AMY2B: variants seen among roughly 807,000 people sequenced by gnomAD.
AMY2B encodes amylase alpha 2B.
A neutral mutation model predicts 59.3 loss-of-function variants in AMY2B; 63 were observed. That is an observed-to-expected ratio of 1.06 (90% CI 0.87 to 1.31). The LOEUF is 1.31. Among genes scored for constraint, AMY2B ranks in the 50% most tolerant of loss-of-function variants. The pLI, the probability that AMY2B is intolerant of heterozygous loss-of-function variation, is 0.00. For synonymous variants in AMY2B, 180 were observed against 198.1 expected (o/e 0.91, Z 0.77); for missense variants, 635 against 626.7 (o/e 1.01, Z -0.14).
chr1:103,571,013 G>C (rs970712740), upstream of AMY2B: 2 of 381,170 alleles, frequency 5.2e-6, no homozygotes, highest in African/African-American at 4.2e-5. Flanking sequence ...TCTCTGATCT[G>C]TGCAGGGTAT....
Position 103,577,727 on chromosome 1 carries a change from G to T in AMY2B, c.1228G>T (p.Val410Phe). 6.2e-7 allele frequency: 1 copy of T among 1,611,512 alleles called. No individual in the cohort carries two copies. The highest frequency in any genetic ancestry group is 8.5e-7 in the Non-Finnish European group (1 of 1,179,794). ...EHRWRQIRNMVNFRNVVDGQP... is the reference protein window; with the variant it reads ...EHRWRQIRNMFNFRNVVDGQP... ...ATGGTATTGTGTTTTTAGGAACATG[G>T]TTAATTTCCGCAATGTAGTGGATGG... is the stretch of plus-strand genomic sequence containing the variant. The change falls in exon 9 of 10, where the codon GTT becomes TTT. Residue 410 changes from valine to phenylalanine, a missense_variant. Physicochemically the swap from Val to Phe is conservative, Grantham distance 50. Transcript: ENST00000684275.
upstream of AMY2B, chr1:103,569,885 C>G (rs1012209822): frequency 6.3e-5 from 29 of 462,320 alleles, no homozygotes; most frequent in Admixed American, 6.3e-4. Context: ...CCCCCTGAAC[C>G]TCAAGGCCAA....
intron 1 of AMY2B, among the ~76,000 whole-genome samples, chr1:103,564,303 A>G (rs1651833455): frequency 6.6e-6 from 1 of 151,988 alleles, no homozygotes; most frequent in African/African-American, 2.4e-5. Flanking sequence ...TCACATTTGG[A>G]ACCTTGAGTC....
At chr1:103,556,187 C>T (rs891840399) in intron 1 of AMY2B, among the ~76,000 whole-genome samples, 1 of 146,338 alleles carries the variant, frequency 6.8e-6, no homozygotes, top group Non-Finnish European at 1.5e-5. Flanking sequence ...TACTCTTAGG[C>T]AATCTGTGGT....
At chr1:103,558,996 T>G (rs777456355) in intron 1 of AMY2B, among the ~76,000 whole-genome samples, 1 of 152,154 alleles carries the variant, frequency 6.6e-6, no homozygotes, top group African/African-American at 2.4e-5. Context: ...ATAAGTAATC[T>G]GAGATGATGT....
chr1:103,566,100 T>C (rs777274892), intron 2 of AMY2B, among the ~76,000 whole-genome samples: 1 of 152,168 alleles, frequency 6.6e-6, no homozygotes, highest in Non-Finnish European at 1.5e-5. Flanking sequence ...TTCCTTGCTC[T>C]TCTACATGTT....
rs1043388102 is a variant in AMY2B at position 103,577,491 on chromosome 1, A to G, written c.1103A>G (p.Asp368Gly). ...TTGGCTTTTCACCCCCTAATTAAGG[A>G]TGTTAATGATTGGGTTGGGCCACCA... ...RWPRQFQNGN[D>G]VNDWVGPPNN... The change falls in exon 8 of 10, where the codon GAT becomes GGT. Residue 368 changes from aspartate (D) to glycine (G), a missense_variant and splice_region_variant. Coordinates refer to ENST00000684275, the MANE Select transcript of AMY2B (RefSeq NM_001387437.1). 1 of 1,611,796 alleles carries G rather than the reference A, an allele frequency of 6.2e-7. No homozygotes were observed.
chr1:103,568,012 G>A (rs1651968347), upstream of AMY2B, among the ~76,000 whole-genome samples: 1 of 152,110 alleles, frequency 6.6e-6, no homozygotes, highest in South Asian at 2.1e-4. Flanking sequence ...ATAATACCCT[G>A]ATGGAAAAGT....
chr1:103,563,829 G>A (rs532687207), intron 1 of AMY2B, among the ~76,000 whole-genome samples: 2 of 152,142 alleles, frequency 1.3e-5, no homozygotes, highest in South Asian at 4.1e-4. Flanking sequence ...AATCCTAAGC[G>A]AATAAGCAAG....
intron 5 of AMY2B, among the ~76,000 whole-genome samples, 189 bp from the exon 6 acceptor site, chr1:103,575,034 T>G (rs1012585123): frequency 2.1e-5 from 3 of 144,108 alleles, no homozygotes; most frequent in African/African-American, 7.8e-5. Context: ...GTATATATAT[T>G]TGAGTGTGTG....
chr1:103,571,874 A>G, intron 1 of AMY2B, 104 bp downstream of exon 1: 1 of 1,602,688 alleles, frequency 6.2e-7, no homozygotes, highest in African/African-American at 1.3e-5. Context: ...TTCACAGGTA[A>G]GTATTCTAAG....
chr1:103,565,992 T>G lies in AMY2B; in HGVS notation c.-47+398T>G, dbSNP rs1337870923. Among the ~76,000 whole-genome samples the G allele has an allele frequency of 3.3e-5, 5 of 152,286 alleles. No homozygotes were observed. The East Asian group carries it at 7.7e-4, about 24-fold the overall frequency. ...GAGGTAAGTACTTTTTTCTTCTCCC[T>G]GATTTTGAGTGTCCCCAATATACCT... On this transcript the variant is annotated intron_variant, in intron 2 of 11. Coordinates refer to the AMY2B transcript ENST00000361355.
At position 103,573,766 on chromosome 1, in the gene AMY2B, G is replaced by A. The variant is rs370144544; in HGVS notation, c.572G>A (p.Arg191His). The A allele has an allele frequency of 6.8e-5, 109 of 1,613,700 alleles. No individual in the cohort carries two copies. The highest frequency in any genetic ancestry group is 3.3e-4 in the Middle Eastern group (2 of 6,076). Residue 191 changes from arginine (R) to histidine (H), a missense_variant, in exon 4 of 10, where the codon CGT (arginine) becomes CAT (histidine). Arg to His is a conservative substitution (Grantham distance 29, BLOSUM62 0). Transcript: ENST00000684275. ...CTTGCACTGGAGAAAGATTATGTGC[G>A]TTCCAAGATTGCCGAATATATGAAT... ...LDLALEKDYV[R>H]SKIAEYMNHL... is the part of the protein sequence containing the mutation.
intron 1 of AMY2B, among the ~76,000 whole-genome samples, chr1:103,563,227 G>A (rs1651793513): frequency 6.6e-6 from 1 of 151,846 alleles, no homozygotes; most frequent in African/African-American, 2.4e-5. Flanking sequence ...CATATTCTTA[G>A]GGAATTCCCA....
chr1:103,568,564 G>C (rs543780927), upstream of AMY2B: 265 of 152,152 alleles, frequency 1.7e-3, 4 homozygotes, highest in African/African-American at 5.9e-3. Flanking sequence ...TGGGAAACAG[G>C]GCTGATTTTA....
chr1:103,576,369 G>T (rs1652354187), intron 7 of AMY2B, among the ~76,000 whole-genome samples: 1 of 152,088 alleles, frequency 6.6e-6, no homozygotes, highest in Admixed American at 6.6e-5. Context: ...ATATTTAGGT[G>T]TACTTTTATA....
At chr1:103,564,281 A>G (rs1486426823) in intron 1 of AMY2B, among the ~76,000 whole-genome samples, 3 of 152,130 alleles carry the variant, frequency 2.0e-5, no homozygotes, top group Non-Finnish European at 2.9e-5. Context: ...TTAACTCCTA[A>G]TAATTGCGTT....
chr1:103,557,106 C>T (rs978720736), intron 1 of AMY2B, among the ~76,000 whole-genome samples: 6 of 151,736 alleles, frequency 4.0e-5, no homozygotes, highest in South Asian at 4.2e-4. Flanking sequence ...GTATATAGAG[C>T]GTCCATTTAA....
At position 103,575,470 on chromosome 1, in the gene AMY2B, T is replaced by C; in HGVS notation, c.1031T>C (p.Leu344Pro). The C allele has an allele frequency of 2.5e-6, 4 of 1,613,770 alleles. No individual in the cohort carries two copies. The highest frequency in any genetic ancestry group is 3.4e-6 in the Non-Finnish European group (4 of 1,179,748). The change falls in exon 7 of 10, where the codon CTT becomes CCT. Residue 344 changes from leucine (L) to proline (P), a missense_variant. Leu to Pro is a moderately conservative substitution (Grantham distance 98). Transcript: ENST00000684275. ...RLYKMAVGFM[L>P]AHPYGFTRVM... ...TATAAAATGGCAGTTGGATTTATGC[T>C]TGCTCATCCTTATGGTTTTACACGA...
Sources: allele counts gnomAD v4.1 joint callset (sites outside exome capture counted in the v4.1 genomes callset), GRCh38; gene constraint gnomAD v4.1.1; transcripts MANE v1.5; gene names NCBI Gene and HGNC (gene_info 2026-07-23, HGNC 2026-07-21).